The following SHISA6 variants were observed in gnomAD, a reference collection of about 807,000 sequenced individuals.
SHISA6 encodes protein shisa-6.
In SHISA6, 22 loss-of-function variants were observed where a neutral mutation model predicts 47.9. The observed-to-expected ratio is 0.46, with a 90% CI of 0.33 to 0.66. The LOEUF (loss-of-function observed/expected upper bound fraction) is 0.66. Among genes scored for constraint, SHISA6 ranks in the 30% least tolerant of loss-of-function variants. The probability of loss-of-function intolerance (pLI) is 0.02; values close to 1 mark genes in which losing one functional copy is unlikely to be tolerated. For synonymous variants in SHISA6, 388 were observed against 337.8 expected (o/e 1.15, Z -1.63); for missense variants, 680 against 764.6 (o/e 0.89, Z 1.30).
intron 3 of SHISA6, among the ~76,000 whole-genome samples, chr17:11,496,183 G>T (rs1245617414): frequency 6.6e-6 from 1 of 152,186 alleles, no homozygotes; most frequent in Non-Finnish European, 1.5e-5. Flanking sequence ...TCAAACAAGG[G>T]TGTCCAACCT....
intron 2 of SHISA6, among the ~76,000 whole-genome samples, chr17:11,303,318 A>C (rs1909991526): frequency 6.7e-6 from 1 of 150,056 alleles, no homozygotes; most frequent in Non-Finnish European, 1.5e-5. Context: ...TATAGTTGTG[A>C]ATGTATGTGA....
chr17:11,279,223 A>T (rs1056835246), intron 2 of SHISA6, among the ~76,000 whole-genome samples: 1 of 152,168 alleles, frequency 6.6e-6, no homozygotes, highest in African/African-American at 2.4e-5. Context: ...AAGCACTGTC[A>T]TCGTAGAAAG....
chr17:11,346,235 A>C (rs936017841), intron 2 of SHISA6, among the ~76,000 whole-genome samples: 1 of 152,300 alleles, frequency 6.6e-6, no homozygotes, highest in East Asian at 1.9e-4. Flanking sequence ...TCAAGAAAAG[A>C]CAAAACTTAA....
In SHISA6 at chr17:11,334,834, G is replaced by A. The variant is rs142856122; in HGVS notation, c.800-44580G>A. Among the ~76,000 whole-genome samples, 467 of 152,314 alleles carry A rather than the reference G, an allele frequency of 3.1e-3. 3 individuals are homozygous for A. The highest frequency in any genetic ancestry group is 0.011 in the African/African-American group (451 of 41,580). Reference sequence around the variant, plus strand: ...GTGGACACCTGGAATTCAGCCCCACGGAAGACCCTCTGCAGTATCATGTAG... The same window carrying A: ...GTGGACACCTGGAATTCAGCCCCACAGAAGACCCTCTGCAGTATCATGTAG... On this transcript the variant is annotated intron_variant, in intron 2 of 5. Coordinates refer to ENST00000441885, the MANE Select transcript of SHISA6 (RefSeq NM_207386.4).
intron 2 of SHISA6, among the ~76,000 whole-genome samples, chr17:11,269,365 T>A (rs1908555336): frequency 6.6e-6 from 1 of 152,124 alleles, no homozygotes; most frequent in Non-Finnish European, 1.5e-5. Context: ...CTGAGCCCTG[T>A]GGCCCCTCTC....
At chr17:11,322,938 A>G (rs1475499585) in intron 2 of SHISA6, among the ~76,000 whole-genome samples, 1 of 152,182 alleles carries the variant, frequency 6.6e-6, no homozygotes, top group African/African-American at 2.4e-5. Flanking sequence ...AAGGGTTCCC[A>G]AAGGTTTGAA....
chr17:11,432,840 T>A (rs1914823743), intron 3 of SHISA6, among the ~76,000 whole-genome samples: 1 of 151,732 alleles, frequency 6.6e-6, no homozygotes, highest in African/African-American at 2.4e-5. Context: ...ATATGAAATA[T>A]CCAGAATAGG....
intron 3 of SHISA6, among the ~76,000 whole-genome samples, chr17:11,435,632 C>G (rs900101390): frequency 1.3e-5 from 2 of 152,186 alleles, no homozygotes; most frequent in African/African-American, 4.8e-5. Context: ...ATTCCAGTAC[C>G]TTGGTTTTTA....
At chr17:11,246,143 G>T (rs1907578168) in intron 1 of SHISA6, among the ~76,000 whole-genome samples, 1 of 152,156 alleles carries the variant, frequency 6.6e-6, no homozygotes, top group Admixed American at 6.6e-5. Flanking sequence ...AAAGCATCTT[G>T]CCTTGGACTG....
At chr17:11,357,811 C>A (rs201325240) in intron 2 of SHISA6, among the ~76,000 whole-genome samples, 1 of 152,196 alleles carries the variant, frequency 6.6e-6, no homozygotes, top group East Asian at 1.9e-4. Flanking sequence ...TAGATTGCTA[C>A]AAGTCGAATT....
intron 3 of SHISA6, among the ~76,000 whole-genome samples, chr17:11,388,574 T>C (rs1164435813): frequency 6.6e-6 from 1 of 151,718 alleles, no homozygotes; most frequent in East Asian, 2.0e-4. Flanking sequence ...CTTTATTCAG[T>C]AGTGTTTCCC....
intron 2 of SHISA6, among the ~76,000 whole-genome samples, chr17:11,321,212 A>G (rs1910708291): frequency 6.6e-6 from 1 of 152,170 alleles, no homozygotes; most frequent in African/African-American, 2.4e-5. Flanking sequence ...GTTAATGGAG[A>G]TATAGGATTT....
rs192581825 is a variant in SHISA6, at chr17:11,552,991, A to C, written c.952+1039A>C. 1.5e-3 allele frequency among the ~76,000 whole-genome samples: 221 copies of C among 152,368 alleles called. 3 individuals carry two copies. Among genetic ancestry groups the C allele is most frequent in the Middle Eastern group, 3.4e-3 (1 of 294 alleles). On this transcript the variant is annotated intron_variant, in intron 4 of 5. Coordinates refer to ENST00000441885, the MANE Select transcript of SHISA6 (RefSeq NM_207386.4). ...AAGAAAGAATTGGAGAAAGTTCCTTACTAACTGAATGTGGCTGATGAGAGC... is the reference window on the plus strand; with the variant it reads ...AAGAAAGAATTGGAGAAAGTTCCTTCCTAACTGAATGTGGCTGATGAGAGC...
chr17:11,552,887 G>C (rs1368058737), intron 4 of SHISA6, among the ~76,000 whole-genome samples: 1 of 152,308 alleles, frequency 6.6e-6, no homozygotes, highest in East Asian at 1.9e-4. Context: ...AAACTGGGGA[G>C]ATCAGTGAAA....
intron 3 of SHISA6, among the ~76,000 whole-genome samples, chr17:11,388,822 ATATATATATATATATAT>A (rs1913288685): frequency 9.6e-6 from 1 of 103,776 alleles, no homozygotes; most frequent in African/African-American, 4.2e-5. Context: ...ATATATATAT[ATATATATATATATATAT>A]ATTTTAAAAA....
At chr17:11,252,045 C>T (rs923899664) in intron 1 of SHISA6, among the ~76,000 whole-genome samples, 7 of 152,094 alleles carry the variant, frequency 4.6e-5, no homozygotes, top group African/African-American at 1.2e-4. Flanking sequence ...CCAGCGTTCC[C>T]GCTCCCTGTT....
At chr17:11,418,459 T>G (rs1009112544) in intron 3 of SHISA6, among the ~76,000 whole-genome samples, 6 of 152,186 alleles carry the variant, frequency 3.9e-5, no homozygotes, top group Non-Finnish European at 5.9e-5. Flanking sequence ...TTCTGCACCC[T>G]GCCCCTCAAC....
chr17:11,515,321 G>GAAGGAAGGAAGGAAGGAAGGA (rs1379165037), intron 3 of SHISA6, among the ~76,000 whole-genome samples: 13 of 104,086 alleles, frequency 1.2e-4, no homozygotes, highest in African/African-American at 4.6e-4. Flanking sequence ...AAAAAGGAAG[G>GAAGGAAGGAAGGAAGGAAGGA]AAGGAAGGAA....
chr17:11,330,306 G>A (rs1486498912), intron 2 of SHISA6, among the ~76,000 whole-genome samples: 1 of 152,116 alleles, frequency 6.6e-6, no homozygotes, highest in African/African-American at 2.4e-5. Context: ...CATTCTTGTG[G>A]AAAGAGGCTG....
Sources: gnomAD v4.1 joint callset for allele counts (sites outside exome capture counted in the v4.1 genomes callset) on GRCh38, gnomAD v4.1.1 for gene constraint, MANE v1.5 for transcripts, NCBI Gene and HGNC (gene_info 2026-07-23, HGNC 2026-07-21) for gene names.